The following BCL6B variants were observed in gnomAD, a reference collection of about 807,000 sequenced individuals.
BCL6B encodes B-cell CLL/lymphoma 6 member B protein.
A neutral mutation model predicts 44.6 loss-of-function variants in BCL6B; 28 were observed. The ratio of observed to expected loss-of-function variants is 0.63; its 90% CI spans 0.47 to 0.86. The LOEUF (loss-of-function observed/expected upper bound fraction) is 0.86. BCL6B is among the 40% of genes least tolerant of loss of function. The pLI is 0.00. For missense variants in BCL6B, 626 were observed against 652.3 expected (o/e 0.96, Z 0.44); for synonymous variants, 268 against 263.6 (o/e 1.02, Z -0.16).
In BCL6B at chr17:7,027,051, C is replaced by G; in HGVS notation, c.1287C>G (p.Ser429Arg). 1 of 1,613,906 alleles carries G rather than the reference C, an allele frequency of 6.2e-7. No homozygotes were observed. Among genetic ancestry groups the G allele is most frequent in the Non-Finnish European group, 8.5e-7 (1 of 1,179,964 alleles). Reference protein sequence around the residue: ...TRFRHLQTLKSHVRIHTGEKP... With the variant: ...TRFRHLQTLKRHVRIHTGEKP... ...TCCGCCACCTGCAGACCCTCAAGAG[C>G]CACGTTCGCATCCACACCGGAGAGA... Residue 429 changes from serine to arginine, a missense_variant, in exon 8 of 9, where the codon AGC becomes AGG. Ser to Arg is a moderately radical substitution (Grantham distance 110). Coordinates refer to ENST00000293805, the MANE Select transcript of BCL6B (RefSeq NM_181844.4).
rs1324612580 is a variant in BCL6B at position 7,029,154 on chromosome 17, C to G, written c.*1535C>G. On this transcript the variant is annotated 3_prime_UTR_variant, in exon 9 of 9. Transcript: ENST00000293805. ...CTAGCCCATAGGCCAAAGGCCTGTT[C>G]TAGTTGACCAAGTTTCAAGTAGGAT... The G allele has an allele frequency of 2.0e-6, 2 of 985,680 alleles. No individual in the cohort carries two copies. Among genetic ancestry groups the G allele is most frequent in the Admixed American group, 6.1e-5 (1 of 16,302 alleles). 61.1% of individuals were successfully genotyped at this position (985,680 alleles called of 1,614,324 possible).
At chr17:7,027,150 C>G (rs1910320339) in intron 8 of BCL6B, 63 bp downstream of exon 8, 1 of 1,596,508 alleles carries the variant, frequency 6.3e-7, no homozygotes, top group Non-Finnish European at 8.5e-7. Flanking sequence ...TAGGGGTGGG[C>G]TCTGAGAGGT....
Position 7,027,927 on chromosome 17 carries a change from C to A in BCL6B, c.*308C>A. Reference sequence around the variant, plus strand: ...TAAGGGAATAGCCCTCCACCTGTGGCCCCCATTGCATTCAGTTTATCTGTA... The same window carrying A: ...TAAGGGAATAGCCCTCCACCTGTGGACCCCATTGCATTCAGTTTATCTGTA... On this transcript the variant is annotated 3_prime_UTR_variant, in exon 9 of 9. Transcript: ENST00000293805. The A allele has an allele frequency of 8.5e-7, 1 of 1,174,782 alleles. No homozygotes were observed. Among genetic ancestry groups the A allele is most frequent in the Non-Finnish European group, 1.1e-6 (1 of 947,008 alleles). The allele number at this position is 1,174,782 out of a possible 1,614,324, so 72.8% of individuals were successfully genotyped here. A position where few individuals can be genotyped will look rare whatever the true frequency, so the allele number is the denominator to read the frequency against.
rs3072408 is a variant in BCL6B at position 7,029,357 on chromosome 17, AAAGT to A, written c.*1742_*1745del. ...TTATCTGATTATGGGACGAGGGTAG[AAAGT>A]AAGAAGCACTTTTGAATTTGTGGGG... On this transcript the variant is annotated 3_prime_UTR_variant, in exon 9 of 9. Coordinates refer to ENST00000293805, the MANE Select transcript of BCL6B (RefSeq NM_181844.4). 69,792 of 994,648 alleles carry A rather than the reference AAAGT, an allele frequency of 0.07. 2,980 individuals carry two copies. The highest frequency in any genetic ancestry group is 0.25 in the Admixed American group (4,416 of 17,542). 61.6% of individuals were successfully genotyped at this position (994,648 alleles called of 1,614,324 possible).
rs1009745072 is a variant in BCL6B at position 7,028,106 on chromosome 17, C to G, written c.*487C>G. On this transcript the variant is annotated 3_prime_UTR_variant, in exon 9 of 9. Transcript: ENST00000293805. ...AGAGATTACTAGCCCTTGGCTCTCT[C>G]GTTTGGCTTGGGTATTTTATATTAT... The G allele has an allele frequency of 2.0e-6, 2 of 987,082 alleles. No individual in the cohort carries two copies. The highest frequency in any genetic ancestry group is 1.7e-5 in the African/African-American group (1 of 57,276). The allele number at this position is 987,082 out of a possible 1,614,324, so 61.1% of individuals were successfully genotyped here.
chr17:7,023,883 T>C, intron 2 of BCL6B, 33 bp downstream of exon 2: 1 of 1,599,080 alleles, frequency 6.3e-7, no homozygotes, highest in Non-Finnish European at 8.5e-7. Flanking sequence ...CGGGGCCAAA[T>C]GGGAAAGGGG....
intron 5 of BCL6B, 121 bp from the exon 6 acceptor site, chr17:7,026,336 C>G (rs1469747681): frequency 1.5e-6 from 2 of 1,336,390 alleles, no homozygotes; most frequent in Non-Finnish European, 2.1e-6. Flanking sequence ...AAACCAGCCC[C>G]AGAAGTCTTA....
chr17:7,028,184 G>T lies in BCL6B; in HGVS notation c.*565G>T. 1 of 985,696 alleles carries T rather than the reference G, an allele frequency of 1.0e-6. No homozygotes were observed. The highest frequency in any genetic ancestry group is 1.2e-6 in the Non-Finnish European group (1 of 830,178). 61.1% of individuals were successfully genotyped at this position (985,696 alleles called of 1,614,324 possible). On this transcript the variant is annotated 3_prime_UTR_variant, in exon 9 of 9. Coordinates refer to ENST00000293805, the MANE Select transcript of BCL6B (RefSeq NM_181844.4). ...TGTTCTTTCTCCTGTTTGTTTGCTT[G>T]TTAGTTTGTTTAAAATGGAAAAAGG...
Position 7,024,880 on chromosome 17 carries a change from C to G in BCL6B, c.764+117C>G. ...AGGTGGTGGGTTTCAGAGACACTAG[C>G]TCACCTTAAGGAGCTGGCCAGAGAC... On this transcript the variant is annotated intron_variant, in intron 4 of 8. Coordinates refer to ENST00000293805, the MANE Select transcript of BCL6B (RefSeq NM_181844.4). This position sits in a 1 kb window ranked among gnomAD's most constrained non-coding sequence, Gnocchi z 6.6. 6.8e-7 allele frequency: 1 copy of G among 1,470,924 alleles called. No individual in the cohort carries two copies. Among genetic ancestry groups the G allele is most frequent in the Non-Finnish European group, 9.0e-7 (1 of 1,112,118 alleles). The allele number at this position is 1,470,924 out of a possible 1,614,324, so 91.1% of individuals were successfully genotyped here. A position where few individuals can be genotyped will look rare whatever the true frequency, so the allele number is the denominator to read the frequency against.
chr17:7,025,222 C>G (rs377643498), intron 5 of BCL6B, 22 bp downstream of exon 5: 5 of 1,613,036 alleles, frequency 3.1e-6, no homozygotes, highest in Non-Finnish European at 4.2e-6. Flanking sequence ...TCTTTCTTGG[C>G]TTTTCTCCCG....
rs532994258 is a variant in BCL6B, at chr17:7,027,334, G to A, written c.1324-169G>A. Among the ~76,000 whole-genome samples the A allele has an allele frequency of 4.6e-5, 7 of 152,298 alleles. No individual in the cohort carries two copies. In the South Asian group the frequency reaches 1.4e-3, roughly 32 times the overall value. Reference sequence around the variant, plus strand: ...AGTGGGAAAACCTTTGCTAAATAAGGCGGGGCCTATCCCCTCAGCCACCCC... The same window carrying A: ...AGTGGGAAAACCTTTGCTAAATAAGACGGGGCCTATCCCCTCAGCCACCCC... On this transcript the variant is annotated intron_variant, in intron 8 of 8. Transcript: ENST00000293805.
Position 7,024,229 on chromosome 17 carries a change from C to T in BCL6B, c.326C>T (p.Pro109Leu), listed in dbSNP as rs1321380552. Residue 109 changes from proline (P) to leucine (L), a missense_variant, in exon 3 of 9, where the codon CCA becomes CTA. By Grantham distance (98) the Pro-to-Leu change is moderately conservative (BLOSUM62 -3). Transcript: ENST00000293805. The surrounding 1 kb of genome is among the most constrained non-coding windows in gnomAD (Gnocchi z 6.6). ...SRLRLSPATA[P>L]AVLAAATYLQ... ...CTGCGCCTCTCTCCAGCCACTGCACCAGCAGTCCTAGCGGCCGCCACCTAT... is the reference window on the plus strand; with the variant it reads ...CTGCGCCTCTCTCCAGCCACTGCACTAGCAGTCCTAGCGGCCGCCACCTAT... The T allele has an allele frequency of 3.1e-6, 5 of 1,613,898 alleles. No homozygotes were observed. Among genetic ancestry groups the T allele is most frequent in the Admixed American group, 1.7e-5 (1 of 60,034 alleles).
Position 7,025,122 on chromosome 17 carries a change from G to A in BCL6B, c.811G>A (p.Ala271Thr), listed in dbSNP as rs939962960. ...TGTGCAGTTCAAATGTGGGGCTCCA[G>A]CCAGTACCCCCTACCTCCTCACATC... ...ATVQFKCGAP[A>T]STPYLLTSQA... is the part of the protein sequence containing the mutation. The change falls in exon 5 of 9, where the codon GCC becomes ACC. Residue 271 changes from alanine to threonine, a missense_variant. Transcript: ENST00000293805. 2 of 1,613,938 alleles carry A rather than the reference G, an allele frequency of 1.2e-6. No homozygotes were observed. Among genetic ancestry groups the A allele is most frequent in the African/African-American group, 1.3e-5 (1 of 74,888 alleles).
chr17:7,027,868 TG>T lies in BCL6B; in HGVS notation c.*252del, dbSNP rs1211270949. Reference sequence around the variant, plus strand: ...TCTGAGGAGAGAGCTAGCTAGGGGCTGGGAAAGGGGAGAGATTGGAGTCCTG... The same window carrying T: ...TCTGAGGAGAGAGCTAGCTAGGGGCTGGAAAGGGGAGAGATTGGAGTCCTG... On this transcript the variant is annotated 3_prime_UTR_variant, in exon 9 of 9. Coordinates refer to ENST00000293805, the MANE Select transcript of BCL6B (RefSeq NM_181844.4). The T allele has an allele frequency of 7.3e-7, 1 of 1,366,918 alleles. No individual in the cohort carries two copies. The highest frequency in any genetic ancestry group is 9.5e-7 in the Non-Finnish European group (1 of 1,058,138). 84.7% of individuals were successfully genotyped at this position (1,366,918 alleles called of 1,614,324 possible). A position where few individuals can be genotyped will look rare whatever the true frequency, so the allele number is the denominator to read the frequency against.
chr17:7,025,028 C>T (rs147399988), intron 4 of BCL6B, 48 bp from the exon 5 acceptor site: 6 of 1,600,850 alleles, frequency 3.7e-6, no homozygotes, highest in Non-Finnish European at 5.1e-6. Flanking sequence ...GAACCCCCAC[C>T]CCTCAACCGT....
At chr17:7,027,441 G>T (rs895938878) in intron 8 of BCL6B, 62 bp from the exon 9 acceptor site, 27 of 1,587,468 alleles carry the variant, frequency 1.7e-5, no homozygotes, top group Non-Finnish European at 2.3e-5. Flanking sequence ...ACGGCCGCCC[G>T]GCTCAACACC....
intron 2 of BCL6B, 24 bp downstream of exon 2, chr17:7,023,874 G>A (rs1884251865): frequency 2.5e-6 from 4 of 1,604,430 alleles, no homozygotes; most frequent in Non-Finnish European, 2.6e-6. Context: ...GGCCTGGGGC[G>A]GGGCCAAATG....
chr17:7,025,010 C>T, intron 4 of BCL6B, 66 bp from the exon 5 acceptor site: 1 of 1,571,382 alleles, frequency 6.4e-7, no homozygotes, highest in Non-Finnish European at 8.6e-7. Context: ...TCCAAATTTC[C>T]CAGGAGAGAA....
Position 7,029,200 on chromosome 17 carries a change from G to A in BCL6B, c.*1581G>A, listed in dbSNP as rs1054192681. 3.0e-6 allele frequency: 3 copies of A among 985,820 alleles called. No individual in the cohort carries two copies. The highest frequency in any genetic ancestry group is 1.7e-5 in the African/African-American group (1 of 57,246). 61.1% of individuals were successfully genotyped at this position (985,820 alleles called of 1,614,324 possible). Reference sequence around the variant, plus strand: ...AGGATTAAGAGGTTGGTTGAGGGGTGCAGTTTCTGGTGTAGGCCAGGTAGG... The same window carrying A: ...AGGATTAAGAGGTTGGTTGAGGGGTACAGTTTCTGGTGTAGGCCAGGTAGG... On this transcript the variant is annotated 3_prime_UTR_variant, in exon 9 of 9. Coordinates refer to ENST00000293805, the MANE Select transcript of BCL6B (RefSeq NM_181844.4).
Sources: allele counts gnomAD v4.1 joint callset (sites outside exome capture counted in the v4.1 genomes callset), GRCh38; gene constraint gnomAD v4.1.1; non-coding constraint Gnocchi (gnomAD v3.1); transcripts MANE v1.5; gene names NCBI Gene and HGNC (gene_info 2026-07-23, HGNC 2026-07-21).